Variants in RALYL observed in about 807,000 individuals in gnomAD.
RALYL encodes the protein RNA-binding Raly-like protein.
RALYL carries 29 observed loss-of-function variants against 35.1 expected under a neutral mutation model. That is an observed-to-expected ratio of 0.83 (90% CI 0.61 to 1.13). The LOEUF (loss-of-function observed/expected upper bound fraction) is 1.13. RALYL is among the 50% of genes most tolerant of loss of function. RALYL has a pLI of 0.00. For synonymous variants in RALYL, 120 were observed against 127.6 expected (o/e 0.94, Z 0.40); for missense variants, 359 against 360.4 (o/e 1.00, Z 0.03).
chr8:84,195,263 C>G (rs1279351796), intron 1 of RALYL, among the ~76,000 whole-genome samples: 4 of 151,842 alleles, frequency 2.6e-5, no homozygotes, highest in Admixed American at 2.6e-4. Flanking sequence ...GTGTGAAACC[C>G]CATCCATCTC....
In RALYL at chr8:84,849,982, G is replaced by T; in HGVS notation, c.368G>T (p.Gly123Val). ...ESKEPFLSVG[G>V]YVFDYDYYRD... ...AATTTTTTTGTTTCCCTCTTTAGCG[G>T]TTATGTCTTTGACTATGATTACTAC... The change falls in exon 5 of 9, where the codon GGT (glycine) becomes GTT (valine). Residue 123 changes from glycine to valine, a missense_variant and splice_region_variant. Coordinates refer to ENST00000521268, the MANE Select transcript of RALYL (RefSeq NM_173848.7). 2 of 1,481,368 alleles carry T rather than the reference G, an allele frequency of 1.4e-6. No homozygotes were observed. Among genetic ancestry groups the T allele is most frequent in the Non-Finnish European group, 9.0e-7 (1 of 1,109,532 alleles). The allele number at this position is 1,481,368 out of a possible 1,614,324, so 91.8% of individuals were successfully genotyped here. A position where few individuals can be genotyped will look rare whatever the true frequency, so the allele number is the denominator to read the frequency against.
chr8:84,258,387 T>C (rs1387296014), intron 1 of RALYL, among the ~76,000 whole-genome samples: 1 of 152,160 alleles, frequency 6.6e-6, no homozygotes, highest in African/African-American at 2.4e-5. Flanking sequence ...TACATTTACA[T>C]TGAAACAGTA....
chr8:84,352,345 T>C (rs1851057621), intron 1 of RALYL, among the ~76,000 whole-genome samples: 1 of 150,164 alleles, frequency 6.7e-6, no homozygotes, highest in Non-Finnish European at 1.5e-5. Flanking sequence ...TGGAAACTAA[T>C]AAACAAGAGA....
At position 84,717,487 on chromosome 8, in the gene RALYL, T is replaced by C. The variant is rs148512238; in HGVS notation, c.257-57092T>C. 4.2e-3 allele frequency among the ~76,000 whole-genome samples: 633 copies of C among 152,284 alleles called. 5 individuals are homozygous for C. Among genetic ancestry groups the C allele is most frequent in the African/African-American group, 0.014 (596 of 41,552 alleles). ...AGCCAAATTAACAGTCTTGCCTTGC[T>C]TATATGAATATTAAAGGATAATGTG... On this transcript the variant is annotated intron_variant, in intron 2 of 8. Transcript: ENST00000521268.
chr8:84,617,500 A>G lies in RALYL; in HGVS notation c.256+87923A>G, dbSNP rs1310145245. 5.3e-5 allele frequency among the ~76,000 whole-genome samples: 8 copies of G among 150,122 alleles called. No individual in the cohort carries two copies. The South Asian group carries it at 1.3e-3, about 24-fold the overall frequency. The stretch of plus-strand genomic sequence containing the variant: ...GCTTAAGGAGATTTTGGGCTGAGAC[A>G]ATGGGGTTTTCTAGGTATACAATCA... On this transcript the variant is annotated intron_variant, in intron 2 of 8. Coordinates refer to ENST00000521268, the MANE Select transcript of RALYL (RefSeq NM_173848.7).
At chr8:84,583,028 T>C (rs1385228106) in intron 2 of RALYL, among the ~76,000 whole-genome samples, 1 of 152,168 alleles carries the variant, frequency 6.6e-6, no homozygotes, top group Non-Finnish European at 1.5e-5. Context: ...TACACTAAGA[T>C]AGAGCTGCCT....
intron 2 of RALYL, among the ~76,000 whole-genome samples, chr8:84,750,845 T>C (rs1415272973): frequency 6.6e-6 from 1 of 152,152 alleles, no homozygotes; most frequent in East Asian, 1.9e-4. Context: ...GACCTTGGAC[T>C]TCTCAGCCTC....
intron 2 of RALYL, among the ~76,000 whole-genome samples, chr8:84,547,557 T>A (rs2060447035): frequency 6.6e-6 from 1 of 152,048 alleles, no homozygotes; most frequent in African/African-American, 2.4e-5. Context: ...TCGTTTGTAT[T>A]TTTAGTAGAG....
At chr8:84,750,212 G>T (rs1809626747) in intron 2 of RALYL, among the ~76,000 whole-genome samples, 1 of 152,156 alleles carries the variant, frequency 6.6e-6, no homozygotes, top group African/African-American at 2.4e-5. Context: ...ACCAGTTTCT[G>T]ATTAAAGAGT....
intron 2 of RALYL, among the ~76,000 whole-genome samples, chr8:84,585,915 G>A (rs1255367425): frequency 6.6e-6 from 1 of 152,094 alleles, no homozygotes; most frequent in Non-Finnish European, 1.5e-5. Context: ...CGTGATGTTT[G>A]GCCAGGTGCG....
At chr8:84,773,630 A>G (rs1030884784) in intron 2 of RALYL, among the ~76,000 whole-genome samples, 5 of 152,120 alleles carry the variant, frequency 3.3e-5, no homozygotes, top group Non-Finnish European at 7.3e-5. Context: ...AGACAATAAT[A>G]TTTTCAGTTT....
intron 1 of RALYL, among the ~76,000 whole-genome samples, chr8:84,187,488 G>C (rs753491303): frequency 6.6e-6 from 1 of 151,918 alleles, no homozygotes. Flanking sequence ...TAGCCACACC[G>C]TGGTGGTGTA....
intron 6 of RALYL, among the ~76,000 whole-genome samples, chr8:84,869,319 T>A (rs564793819): frequency 2.0e-5 from 3 of 152,236 alleles, no homozygotes; most frequent in East Asian, 1.9e-4. Flanking sequence ...TATTTAAAAC[T>A]GATTTATAAA....
chr8:84,752,086 T>C lies in RALYL; in HGVS notation c.257-22493T>C, dbSNP rs117472721. ...AGACTTGTCATATCACTATCAGAAA[T>C]GCTGATAGTGATATGGACGATGAAG... is the stretch of plus-strand genomic sequence containing the variant. On this transcript the variant is annotated intron_variant, in intron 2 of 8. Transcript: ENST00000521268. Among the ~76,000 whole-genome samples, 1,093 of 152,232 alleles carry C rather than the reference T, an allele frequency of 7.2e-3. 8 individuals are homozygous for C. Among genetic ancestry groups the C allele is most frequent in the Non-Finnish European group, 9.8e-3 (665 of 67,998 alleles).
chr8:84,514,884 CTTATAGT>C (rs2057934948), intron 1 of RALYL, among the ~76,000 whole-genome samples: 1 of 152,096 alleles, frequency 6.6e-6, no homozygotes, highest in Non-Finnish European at 1.5e-5. Flanking sequence ...CTAGAGAGCT[CTTATAGT>C]TCTAGCAGTT....
chr8:84,816,613 C>CAAGAA lies in RALYL; in HGVS notation c.365+11812_365+11816dup, dbSNP rs146363246. ...TTCCCAGGTTTGGTTGGAAGATCTT[C>CAAGAA]AAGAATACATCACTGGGGCAGGGGC... On this transcript the variant is annotated intron_variant, in intron 4 of 8. Transcript: ENST00000521268. Among the ~76,000 whole-genome samples the CAAGAA allele has an allele frequency of 7.6e-3, 1,158 of 151,818 alleles. 10 individuals carry two copies. The highest frequency in any genetic ancestry group is 0.027 in the African/African-American group (1,112 of 41,360).
chr8:84,607,047 G>A (rs1462129251), intron 2 of RALYL, among the ~76,000 whole-genome samples: 5 of 151,800 alleles, frequency 3.3e-5, no homozygotes, highest in East Asian at 3.9e-4. Flanking sequence ...TGCCACATTC[G>A]GGACTCATAC....
chr8:84,885,595 G>C (rs1016806336), intron 7 of RALYL, among the ~76,000 whole-genome samples: 3 of 152,096 alleles, frequency 2.0e-5, no homozygotes, highest in Admixed American at 6.6e-5. Context: ...AACCTAATAA[G>C]TTGATTTTAA....
intron 1 of RALYL, among the ~76,000 whole-genome samples, chr8:84,199,768 C>A (rs1429119611): frequency 1.3e-5 from 2 of 152,144 alleles, no homozygotes; most frequent in Non-Finnish European, 2.9e-5. Context: ...TTCCCCAATG[C>A]ATGTTCTTGG....
Sources: gnomAD v4.1 joint callset for allele counts (sites outside exome capture counted in the v4.1 genomes callset) on GRCh38, gnomAD v4.1.1 for gene constraint, MANE v1.5 for transcripts, NCBI Gene and HGNC (gene_info 2026-07-23, HGNC 2026-07-21) for gene names.